Variants in MTX3 observed in about 807,000 individuals in gnomAD.
The protein encoded by MTX3 is metaxin 3, also known as metaxin-3.
MTX3 carries 27 observed loss-of-function variants against 42.5 expected under a neutral mutation model. The observed-to-expected ratio is 0.64, with a 90% CI of 0.47 to 0.88. The LOEUF (loss-of-function observed/expected upper bound fraction) is 0.88, where lower values mean the gene tolerates loss of function less well. Among genes scored for constraint, MTX3 ranks in the 40% least tolerant of loss-of-function variants. MTX3 has a pLI of 0.00. For missense variants in MTX3, 378 were observed against 367.0 expected (o/e 1.03, Z -0.25); for synonymous variants, 144 against 132.9 (o/e 1.08, Z -0.57).
In MTX3 at chr5:79,980,307, T is replaced by G. The variant is rs1163042120; in HGVS notation, c.*3377A>C. Reference sequence around the variant, plus strand: ...ATGGTGTTTTTCCATTTTTACAGACTTCTGAAAATTTTAGCTTTGATTGAA... The same window carrying G: ...ATGGTGTTTTTCCATTTTTACAGACGTCTGAAAATTTTAGCTTTGATTGAA... On this transcript the variant is annotated 3_prime_UTR_variant, in exon 9 of 9. Transcript: ENST00000512528. 2.6e-5 allele frequency: 4 copies of G among 152,202 alleles called. No individual in the cohort carries two copies. The highest frequency in any genetic ancestry group is 9.7e-5 in the African/African-American group (4 of 41,446). The allele number at this position is 152,202 out of a possible 1,614,324, so 9.4% of individuals were successfully genotyped here.
chr5:79,988,182 C>A, intron 6 of MTX3, 57 bp downstream of exon 6: 1 of 961,426 alleles, frequency 1.0e-6, no homozygotes, highest in South Asian at 1.5e-5. Context: ...CTTTAAATAG[C>A]TGCTCACTGA....
Position 79,980,709 on chromosome 5 carries a change from C to A in MTX3, c.*2975G>T, listed in dbSNP as rs1412813660. On this transcript the variant is annotated 3_prime_UTR_variant, in exon 9 of 9. Coordinates refer to ENST00000512528, the MANE Select transcript of MTX3 (RefSeq NM_001363818.2). The stretch of plus-strand genomic sequence containing the variant: ...AGCATGTTCCCTTTAATCATATTAT[C>A]CTCCACCATTACTTCCAAAAGGCAT... 1 of 152,144 alleles carries A rather than the reference C, an allele frequency of 6.6e-6. No individual in the cohort carries two copies. Among genetic ancestry groups the A allele is most frequent in the Non-Finnish European group, 1.5e-5 (1 of 68,020 alleles). 9.4% of individuals were successfully genotyped at this position (152,144 alleles called of 1,614,324 possible).
At chr5:79,989,015 AC>A (rs1261670859) in intron 4 of MTX3, 136 bp downstream of exon 4, 6 of 588,632 alleles carry the variant, frequency 1.0e-5, no homozygotes, top group African/African-American at 9.5e-5. Flanking sequence ...ATCCAGTTTC[AC>A]AGTAATATGA....
rs769035397 is a variant in MTX3 at position 79,990,206 on chromosome 5, T to C, written c.182A>G (p.Asp61Gly). ...TATTTTTGCTGGCTGAGAAACCATG[T>C]CGTCTTCAGTTGTCAAAATTGGTAC... The part of the protein sequence containing the change: ...GDVPILTTED[D>G]MVSQPAKILN... The change falls in exon 3 of 9, where the codon GAC becomes GGC. Residue 61 changes from aspartate to glycine, a missense_variant. Physicochemically the swap from Asp to Gly is moderately conservative, Grantham distance 94. Coordinates refer to ENST00000512528, the MANE Select transcript of MTX3 (RefSeq NM_001363818.2). 6.2e-7 allele frequency: 1 copy of C among 1,610,144 alleles called. No homozygotes were observed. Among genetic ancestry groups the C allele is most frequent in the East Asian group, 2.2e-5 (1 of 44,710 alleles).
In MTX3 at chr5:79,977,468, G is replaced by A. The variant is rs186508822; in HGVS notation, c.*6216C>T. The A allele has an allele frequency of 2.0e-5, 3 of 152,202 alleles. No homozygotes were observed. Among genetic ancestry groups the A allele is most frequent in the African/African-American group, 4.8e-5 (2 of 41,442 alleles). 9.4% of individuals were successfully genotyped at this position (152,202 alleles called of 1,614,324 possible). On this transcript the variant is annotated 3_prime_UTR_variant, in exon 9 of 9. Transcript: ENST00000512528. ...GAACAAAGATCCAACGGCCTTTCACGTGGCTACATGTTCACCATTACACCA... is the reference window on the plus strand; with the variant it reads ...GAACAAAGATCCAACGGCCTTTCACATGGCTACATGTTCACCATTACACCA...
rs1561280397 is a variant in MTX3 at position 79,982,284 on chromosome 5, T to C, written c.*1400A>G. The C allele has an allele frequency of 8.0e-6, 3 of 374,018 alleles. No individual in the cohort carries two copies. The highest frequency in any genetic ancestry group is 3.5e-5 in the Admixed American group (1 of 28,928). The allele number at this position is 374,018 out of a possible 1,614,324, so 23.2% of individuals were successfully genotyped here. A position where few individuals can be genotyped will look rare whatever the true frequency, so the allele number is the denominator to read the frequency against. Reference sequence around the variant, plus strand: ...ATTTAGAATGACTTAAAGACTCTTGTATAAATAACTACCTAAATACAGAAC... The same window carrying C: ...ATTTAGAATGACTTAAAGACTCTTGCATAAATAACTACCTAAATACAGAAC... On this transcript the variant is annotated 3_prime_UTR_variant, in exon 9 of 9. Coordinates refer to ENST00000512528, the MANE Select transcript of MTX3 (RefSeq NM_001363818.2).
At chr5:79,990,910 C>G (rs371010475) in intron 1 of MTX3, 1 of 708,496 alleles carries the variant, frequency 1.4e-6, no homozygotes, top group South Asian at 1.5e-5. Context: ...TTCACTCCAC[C>G]GCCCAGACAG....
intron 3 of MTX3, 129 bp downstream of exon 3, chr5:79,990,031 T>G: frequency 2.0e-6 from 1 of 503,168 alleles, no homozygotes; most frequent in South Asian, 4.3e-5. Context: ...TCAAATCTAT[T>G]TTTACATCTT....
At chr5:79,985,766 C>G in intron 7 of MTX3, 107 bp from the exon 8 acceptor site, 1 of 680,112 alleles carries the variant, frequency 1.5e-6, no homozygotes, top group Non-Finnish European at 2.5e-6. Flanking sequence ...CAGTGCCCCA[C>G]CCTCCCCAAA....
intron 8 of MTX3, 127 bp from the exon 9 acceptor site, chr5:79,983,921 C>T (rs1831431828): frequency 1.7e-6 from 1 of 580,914 alleles, no homozygotes; most frequent in African/African-American, 1.9e-5. Flanking sequence ...GCTAGAGAAA[C>T]CTTTTTCTTA....
intron 4 of MTX3, among the ~76,000 whole-genome samples, 186 bp downstream of exon 4, chr5:79,988,966 T>C (rs958553167): frequency 4.6e-5 from 7 of 152,246 alleles, no homozygotes; most frequent in Non-Finnish European, 1.0e-4. Flanking sequence ...CATTTTATTT[T>C]ACTTTGTTGT....
intron 8 of MTX3, among the ~76,000 whole-genome samples, chr5:79,985,072 C>T (rs1044151742): frequency 6.6e-6 from 1 of 152,236 alleles, no homozygotes; most frequent in Non-Finnish European, 1.5e-5. Context: ...AGCTCCGCCT[C>T]CCGGGTTCAT....
At chr5:79,984,187 A>C (rs1209063377) in intron 8 of MTX3, among the ~76,000 whole-genome samples, 1 of 152,198 alleles carries the variant, frequency 6.6e-6, no homozygotes, top group Non-Finnish European at 1.5e-5. Context: ...ATACGCTATG[A>C]AGAAAAGGCA....
chr5:79,991,115 C>G (rs757711418), intron 1 of MTX3, 43 bp downstream of exon 1: 24 of 1,530,686 alleles, frequency 1.6e-5, no homozygotes, highest in Non-Finnish European at 2.1e-5. Context: ...CGCCTCCAGC[C>G]CCGCCCCTTC....
chr5:79,986,943 A>G lies in MTX3; in HGVS notation c.739+7T>C. On this transcript the variant is annotated splice_region_variant and intron_variant, in intron 7 of 8. Coordinates refer to ENST00000512528, the MANE Select transcript of MTX3 (RefSeq NM_001363818.2). ...AACAAACATTAGCTGAAAAAGAGCC[A>G]GCTTACCTCCAAGACTAAGCCTAAA... 1 of 1,610,606 alleles carries G rather than the reference A, an allele frequency of 6.2e-7. No homozygotes were observed. Among genetic ancestry groups the G allele is most frequent in the Non-Finnish European group, 8.5e-7 (1 of 1,178,426 alleles).
In MTX3 at chr5:79,982,892, A is replaced by C. The variant is rs1325436171; in HGVS notation, c.*792T>G. The C allele has an allele frequency of 6.5e-6, 1 of 154,718 alleles. No homozygotes were observed. Among genetic ancestry groups the C allele is most frequent in the Non-Finnish European group, 1.4e-5 (1 of 69,736 alleles). 9.6% of individuals were successfully genotyped at this position (154,718 alleles called of 1,614,324 possible). A position where few individuals can be genotyped will look rare whatever the true frequency, so the allele number is the denominator to read the frequency against. ...CTAGCATAGTAACGATAACCAGTAC[A>C]TTCACTTCTTCTGGAATTAATACAA... On this transcript the variant is annotated 3_prime_UTR_variant, in exon 9 of 9. Coordinates refer to ENST00000512528, the MANE Select transcript of MTX3 (RefSeq NM_001363818.2).
Position 79,983,788 on chromosome 5 carries a change from C to CTTTCTACA in MTX3, c.834_835insTGTAGAAA (p.Asp279CysfsTer22). The CTTTCTACA allele has an allele frequency of 6.8e-6, 11 of 1,610,398 alleles. No individual in the cohort carries two copies. The Admixed American group carries it at 1.2e-4, about 17-fold the overall frequency. The stretch of plus-strand genomic sequence containing the variant: ...AGCTGAGGGCTTTGGCGAAGATTGT[C>CTTTCTACA]ATCCATCTGTAGAAAGTACAAAAGA... On this transcript the variant is annotated frameshift_variant, in exon 9 of 9. Transcript: ENST00000512528. LOFTEE classifies it high-confidence loss of function.
chr5:79,987,810 T>C (rs182651175), intron 6 of MTX3, among the ~76,000 whole-genome samples: 5 of 152,286 alleles, frequency 3.3e-5, no homozygotes, highest in Admixed American at 2.6e-4. Context: ...ATTAAATTTT[T>C]TTCTTGTTTG....
At chr5:79,988,765 G>A (rs780018829) in intron 4 of MTX3, 121 bp from the exon 5 acceptor site, 112 of 906,816 alleles carry the variant, frequency 1.2e-4, no homozygotes, top group Non-Finnish European at 1.8e-4. Flanking sequence ...AAATTTTCCA[G>A]TTAGAATGAC....
Sources: allele counts gnomAD v4.1 joint callset (sites outside exome capture counted in the v4.1 genomes callset), GRCh38; gene constraint gnomAD v4.1.1; transcripts MANE v1.5; gene names NCBI Gene and HGNC (gene_info 2026-07-23, HGNC 2026-07-21).